STARD9: variants seen among roughly 807,000 people sequenced by gnomAD.
STARD9 encodes stAR-related lipid transfer protein 9.
Under a neutral mutation model 399.8 loss-of-function variants are expected in STARD9, and 346 were observed. The observed-to-expected ratio is 0.87, with a 90% CI of 0.79 to 0.95. STARD9 has a LOEUF of 0.95. Among genes scored for constraint, STARD9 ranks in the 40% least tolerant of loss-of-function variants. STARD9 has a pLI of 0.00. For missense variants in STARD9, 5,832 were observed against 5,667.5 expected (o/e 1.03, Z -0.93); for synonymous variants, 2,203 against 2,143.5 (o/e 1.03, Z -0.77).
At chr15:42,719,130 GC>G (rs1243010045) in intron 32 of STARD9, among the ~76,000 whole-genome samples, 1 of 152,196 alleles carries the variant, frequency 6.6e-6, no homozygotes, top group African/African-American at 2.4e-5. Context: ...TTCTGAAGCT[GC>G]TGTTACCGAA....
In STARD9 at chr15:42,684,380, G is replaced by A; in HGVS notation, c.2802G>A (p.Met934Ile). 1.3e-6 allele frequency: 2 copies of A among 1,537,092 alleles called. No individual in the cohort carries two copies. Among genetic ancestry groups the A allele is most frequent in the Non-Finnish European group, 1.7e-6 (2 of 1,146,862 alleles). ...MSPNSVGIQE[M>I]EMGVKQPHQM... ...CCAACTCTGTTGGCATCCAGGAAATGGAGATGGGGGTTAAGCAGCCCCATC... is the reference window on the plus strand; with the variant it reads ...CCAACTCTGTTGGCATCCAGGAAATAGAGATGGGGGTTAAGCAGCCCCATC... The change falls in exon 23 of 33, where the codon ATG becomes ATA. Residue 934 changes from methionine (M) to isoleucine (I), a missense_variant. Transcript: ENST00000290607.
intron 15 of STARD9, 105 bp from the exon 16 acceptor site, chr15:42,669,053 T>A (rs1321003341): frequency 5.0e-6 from 5 of 994,212 alleles, no homozygotes. Flanking sequence ...GGGAGGATCA[T>A]AAGAAAGCAG....
At chr15:42,700,978 A>C (rs1359070382) in intron 26 of STARD9, among the ~76,000 whole-genome samples, 1 of 152,034 alleles carries the variant, frequency 6.6e-6, no homozygotes, top group African/African-American at 2.4e-5. Flanking sequence ...CTGTATGTGG[A>C]TATCCAGTTT....
Position 42,695,403 on chromosome 15 carries a change from G to GT in STARD9, c.13146+81dup, listed in dbSNP as rs2060821605. On this transcript the variant is annotated intron_variant, in intron 25 of 32. Coordinates refer to ENST00000290607, the MANE Select transcript of STARD9 (RefSeq NM_020759.3). ...ACACCTTCACCGTGGCCGCCTCTGAGTCTTGGGACATACGTAACATTTGGA... is the reference window on the plus strand; with the variant it reads ...ACACCTTCACCGTGGCCGCCTCTGAGTTCTTGGGACATACGTAACATTTGGA... 13 of 1,311,486 alleles carry GT rather than the reference G, an allele frequency of 9.9e-6. No individual in the cohort carries two copies. The South Asian group carries it at 1.8e-4, about 18-fold the overall frequency. 81.2% of individuals were successfully genotyped at this position (1,311,486 alleles called of 1,614,324 possible). A position where few individuals can be genotyped will look rare whatever the true frequency, so the allele number is the denominator to read the frequency against.
Position 42,692,774 on chromosome 15 carries a change from G to C in STARD9, c.11196G>C (p.Val3732=). 1 of 1,537,132 alleles carries C rather than the reference G, an allele frequency of 6.5e-7. No individual in the cohort carries two copies. The highest frequency in any genetic ancestry group is 8.7e-7 in the Non-Finnish European group (1 of 1,146,882). The change falls in exon 23 of 33, where the codon GTG becomes GTC. Residue 3732 remains valine, a synonymous_variant. Transcript: ENST00000290607. The part of the protein sequence containing the change: ...LMMDGSTQTT[V]DEGSQTDLTL... ...TGGATGGCTCTACTCAGACCACTGTGGATGAGGGCAGCCAGACTGACCTCA... is the reference window on the plus strand; with the variant it reads ...TGGATGGCTCTACTCAGACCACTGTCGATGAGGGCAGCCAGACTGACCTCA...
At chr15:42,663,962 G>C (rs754970677) in intron 13 of STARD9, 45 bp downstream of exon 13, 5 of 1,299,774 alleles carry the variant, frequency 3.8e-6, no homozygotes, top group Non-Finnish European at 5.4e-6. Flanking sequence ...TTTACACAAA[G>C]CTTTCCTTAT....
chr15:42,676,322 C>G (rs570865152), intron 20 of STARD9, among the ~76,000 whole-genome samples: 8 of 152,254 alleles, frequency 5.3e-5, no homozygotes, highest in African/African-American at 1.9e-4. Flanking sequence ...GCTTACCTTC[C>G]CATATACTCC....
chr15:42,719,417 G>A (rs1032972460), intron 32 of STARD9, 56 bp from the exon 33 acceptor site: 42 of 1,162,052 alleles, frequency 3.6e-5, no homozygotes, highest in African/African-American at 3.5e-4. Context: ...ACTGGAGTAC[G>A]CCTGGCATTC....
At chr15:42,603,641 GT>G (rs2058672868) in intron 3 of STARD9, among the ~76,000 whole-genome samples, 1 of 152,086 alleles carries the variant, frequency 6.6e-6, no homozygotes, top group Non-Finnish European at 1.5e-5. Flanking sequence ...GGAGACGAGG[GT>G]TTTTAAAGGA....
chr15:42,626,497 CTT>C (rs766581586), intron 3 of STARD9, among the ~76,000 whole-genome samples: 17 of 140,362 alleles, frequency 1.2e-4, no homozygotes, highest in Admixed American at 2.2e-4. Flanking sequence ...TCTTCCTCTT[CTT>C]TTTTTTTTTT....
intron 3 of STARD9, among the ~76,000 whole-genome samples, chr15:42,607,307 A>G (rs1245718705): frequency 6.8e-6 from 1 of 147,528 alleles, no homozygotes; most frequent in Non-Finnish European, 1.5e-5. Flanking sequence ...GGTTCAAGCA[A>G]TTCTCCTGCC....
intron 9 of STARD9, among the ~76,000 whole-genome samples, chr15:42,659,512 G>A (rs970905257): frequency 6.6e-6 from 1 of 151,940 alleles, no homozygotes; most frequent in Non-Finnish European, 1.5e-5. Context: ...GTTTATCAGG[G>A]TTTTCTTTGT....
intron 26 of STARD9, among the ~76,000 whole-genome samples, chr15:42,701,283 T>C (rs1317833251): frequency 6.6e-6 from 1 of 152,214 alleles, no homozygotes; most frequent in African/African-American, 2.4e-5. Flanking sequence ...CTATGAAGAA[T>C]GTTATTCGTA....
chr15:42,581,580 G>A, intron 1 of STARD9: 1 of 865,434 alleles, frequency 1.2e-6, no homozygotes, highest in Non-Finnish European at 1.8e-6. Flanking sequence ...GGAAAAGCGA[G>A]CTCTGCGCAC....
chr15:42,617,647 T>C (rs966763157), intron 3 of STARD9, among the ~76,000 whole-genome samples: 4 of 152,220 alleles, frequency 2.6e-5, no homozygotes, highest in Non-Finnish European at 2.9e-5. Context: ...ATCACAACTT[T>C]ATATAGAAAA....
Position 42,688,789 on chromosome 15 carries a change from A to G in STARD9, c.7211A>G (p.His2404Arg). 1 of 1,537,542 alleles carries G rather than the reference A, an allele frequency of 6.5e-7. No homozygotes were observed. The highest frequency in any genetic ancestry group is 1.2e-5 in the South Asian group (1 of 84,066). ...GNVRGRSSEA[H>R]TAWCGSVRSM... ...GTTAGAGGGCGTTCCTCTGAGGCAC[A>G]CACTGCCTGGTGTGGGTCTGTGCGA... Residue 2404 changes from histidine (H) to arginine (R), a missense_variant, in exon 23 of 33, where the codon CAC becomes CGC. Transcript: ENST00000290607.
intron 10 of STARD9, among the ~76,000 whole-genome samples, chr15:42,661,867 C>T (rs2140095271): frequency 6.6e-6 from 1 of 152,174 alleles, no homozygotes; most frequent in Admixed American, 6.5e-5. Context: ...CCAGGTGATT[C>T]TAATGTATAG....
chr15:42,684,362 T>G lies in STARD9; in HGVS notation c.2784T>G (p.Ser928=), dbSNP rs1046374666. 1.3e-5 allele frequency: 20 copies of G among 1,536,816 alleles called. No individual in the cohort carries two copies. The Admixed American group carries it at 3.3e-4, about 26-fold the overall frequency. ...CTTGCCTCACCATGAGTCCCAACTC[T>G]GTTGGCATCCAGGAAATGGAGATGG... ...PDACLTMSPN[S]VGIQEMEMGV... Residue 928 remains serine (S), a synonymous_variant, in exon 23 of 33, where the codon TCT becomes TCG. Coordinates refer to ENST00000290607, the MANE Select transcript of STARD9 (RefSeq NM_020759.3).
chr15:42,685,298 C>T lies in STARD9; in HGVS notation c.3720C>T (p.Asp1240=), dbSNP rs1452144494. 2.0e-6 allele frequency: 3 copies of T among 1,537,434 alleles called. No individual in the cohort carries two copies. The highest frequency in any genetic ancestry group is 2.6e-6 in the Non-Finnish European group (3 of 1,146,996). The stretch of plus-strand genomic sequence containing the variant: ...CAGAGACTTTTTGGCACCTGGAGGA[C>T]TCTAGTCTGCCTGTAATGGACCAAG... ...IPTETFWHLE[D]SSLPVMDQEA... is the part of the protein sequence containing the mutation. The change falls in exon 23 of 33, where the codon GAC becomes GAT. Residue 1240 remains aspartate (D), a synonymous_variant. Coordinates refer to ENST00000290607, the MANE Select transcript of STARD9 (RefSeq NM_020759.3).
Sources: allele counts gnomAD v4.1 joint callset (sites outside exome capture counted in the v4.1 genomes callset), GRCh38; gene constraint gnomAD v4.1.1; transcripts MANE v1.5; gene names NCBI Gene and HGNC (gene_info 2026-07-23, HGNC 2026-07-21).